RANBP2: variants seen among roughly 807,000 people sequenced by gnomAD.
RANBP2 encodes the protein E3 SUMO-protein ligase RanBP2.
A neutral mutation model predicts 303.6 loss-of-function variants in RANBP2; 57 were observed. The ratio of observed to expected loss-of-function variants is 0.19; its 90% CI spans 0.15 to 0.23. The LOEUF (loss-of-function observed/expected upper bound fraction) is 0.23, where lower values mean the gene tolerates loss of function less well. Ranked by LOEUF, RANBP2 falls within the 10% of genes least tolerant of loss-of-function variation. The pLI, the probability that RANBP2 is intolerant of heterozygous loss-of-function variation, is 1.00. For synonymous variants in RANBP2, 1,167 were observed against 1,301.5 expected, an observed-to-expected ratio of 0.90 and a Z score of 2.23; for missense variants, 3,138 against 3,780.8, an observed-to-expected ratio of 0.83 and a Z score of 4.46.
chr2:108,814,100 T>G, the RANBP2 span, among the ~76,000 whole-genome samples: 3 of 152,228 alleles, frequency 2.0e-5, no homozygotes, highest in Non-Finnish European at 1.5e-5. Context: ...CTTTTGGATA[T>G]ATACCAGGAC....
chr2:109,214,060 C>T, the RANBP2 span, among the ~76,000 whole-genome samples: 1 of 152,072 alleles, frequency 6.6e-6, no homozygotes, highest in African/African-American at 2.4e-5. Flanking sequence ...AAATGGAGGG[C>T]AGGCAGTGGT....
chr2:109,659,299 T>C, the RANBP2 span, among the ~76,000 whole-genome samples: 1 of 144,396 alleles, frequency 6.9e-6, no homozygotes, highest in East Asian at 2.1e-4. Context: ...ATTGCTTGCC[T>C]GGGAGGCAGA....
At chr2:109,213,293 G>A in the RANBP2 span, among the ~76,000 whole-genome samples, 5,012 of 152,284 alleles carry the variant, frequency 0.033, 149 homozygotes, top group Non-Finnish European at 0.047. Context: ...CCACACCCTG[G>A]TGTGTCCATA....
the RANBP2 span, among the ~76,000 whole-genome samples, chr2:109,758,449 T>C: frequency 7.4e-6 from 1 of 135,534 alleles, no homozygotes; most frequent in East Asian, 2.3e-4. Context: ...GTGTGCTATT[T>C]GTGGATCAGC....
At chr2:109,474,964 G>GT in the RANBP2 span, among the ~76,000 whole-genome samples, 5 of 151,644 alleles carry the variant, frequency 3.3e-5, no homozygotes, top group East Asian at 1.9e-4. Context: ...TTTTGTTTGG[G>GT]TTTTTTTTGT....
chr2:108,805,558 T>C, the RANBP2 span, among the ~76,000 whole-genome samples: 1 of 83,440 alleles, frequency 1.2e-5, no homozygotes, highest in Non-Finnish European at 2.6e-5. Flanking sequence ...ACCCCGTCTC[T>C]ACCAAAAATA....
At chr2:109,064,637 T>G in the RANBP2 span, among the ~76,000 whole-genome samples, 1 of 152,196 alleles carries the variant, frequency 6.6e-6, no homozygotes, top group Non-Finnish European at 1.5e-5. Flanking sequence ...AGTGAAAGAT[T>G]TCTTCTGTTT....
At chr2:108,938,937 A>G in the RANBP2 span, among the ~76,000 whole-genome samples, 1 of 151,566 alleles carries the variant, frequency 6.6e-6, no homozygotes, top group Non-Finnish European at 1.5e-5. Flanking sequence ...CCGCCACCAC[A>G]TCCAACTAAT....
At chr2:108,819,090 G>A in the RANBP2 span, among the ~76,000 whole-genome samples, 1 of 152,136 alleles carries the variant, frequency 6.6e-6, no homozygotes, top group Admixed American at 6.5e-5. Flanking sequence ...TCAACATGTT[G>A]GAGTAGGAAG....
chr2:109,388,757 A>G, the RANBP2 span, among the ~76,000 whole-genome samples: 1 of 152,192 alleles, frequency 6.6e-6, no homozygotes, highest in Admixed American at 6.5e-5. Context: ...TCAGACCTCC[A>G]AGGATCAGCT....
At chr2:109,375,918 T>TC in the RANBP2 span, among the ~76,000 whole-genome samples, 1 of 152,232 alleles carries the variant, frequency 6.6e-6, no homozygotes, top group South Asian at 2.1e-4. Flanking sequence ...GCCCAGCTTG[T>TC]CCTACATCAC....
At chr2:109,729,607 G>A in the RANBP2 span, among the ~76,000 whole-genome samples, 8 of 152,154 alleles carry the variant, frequency 5.3e-5, no homozygotes, top group East Asian at 7.7e-4. Flanking sequence ...CCGAAATCAC[G>A]CCACTACACT....
At chr2:108,817,864 G>A in the RANBP2 span, among the ~76,000 whole-genome samples, 1 of 152,166 alleles carries the variant, frequency 6.6e-6, no homozygotes, top group Non-Finnish European at 1.5e-5. Flanking sequence ...TGTTACGGCA[G>A]CAATAGGACA....
chr2:108,751,330 T>G lies in RANBP2; in HGVS notation c.1340T>G (p.Leu447Trp). ...TGGCTTGGCTTACAGTGGAATTCAT[T>G]GCCTGCTTTACCTGGAATCCGAAAA... is the stretch of plus-strand genomic sequence containing the variant. ...LTWLGLQWNS[L>W]PALPGIRKWL... The change falls in exon 10 of 29, where the codon TTG (leucine) becomes TGG (tryptophan). Residue 447 changes from leucine to tryptophan, a missense_variant. This residue lies in a region of RANBP2 where 162 missense variants were observed against 286.9 expected (regional missense o/e 0.56). Coordinates refer to ENST00000283195, the MANE Select transcript of RANBP2 (RefSeq NM_006267.5). 1 of 1,611,986 alleles carries G rather than the reference T, an allele frequency of 6.2e-7. No homozygotes were observed. The highest frequency in any genetic ancestry group is 8.5e-7 in the Non-Finnish European group (1 of 1,179,858).
At chr2:109,529,112 G>A in the RANBP2 span, among the ~76,000 whole-genome samples, 2 of 152,340 alleles carry the variant, frequency 1.3e-5, no homozygotes, top group South Asian at 4.1e-4. Flanking sequence ...GGCACCCGGT[G>A]GCTGCAGGCT....
At chr2:109,633,927 C>T in the RANBP2 span, among the ~76,000 whole-genome samples, 110 of 151,710 alleles carry the variant, frequency 7.3e-4, 1 homozygote, top group African/African-American at 2.6e-3. Context: ...CGAGACTAGC[C>T]TGGCCTATAT....
the RANBP2 span, among the ~76,000 whole-genome samples, chr2:109,243,461 C>T: frequency 6.6e-6 from 1 of 152,178 alleles, no homozygotes; most frequent in Admixed American, 6.5e-5. Context: ...GTATTCTCCT[C>T]GTGTGCATTC....
At chr2:108,878,032 T>A in the RANBP2 span, among the ~76,000 whole-genome samples, 1 of 152,164 alleles carries the variant, frequency 6.6e-6, no homozygotes, top group Non-Finnish European at 1.5e-5. Context: ...CTTCAGACAT[T>A]CAGGCGTTGA....
intron 6 of RANBP2, among the ~76,000 whole-genome samples, chr2:108,737,346 TTTTG>T (rs1336078196): frequency 1.3e-4 from 17 of 127,944 alleles, no homozygotes; most frequent in African/African-American, 2.7e-4. Flanking sequence ...TTTTTTTTTT[TTTTG>T]TTTTTTTGAG....
Sources: gnomAD v4.1 joint callset for allele counts (sites outside exome capture counted in the v4.1 genomes callset) on GRCh38, gnomAD v4.1.1 for gene constraint, gnomAD v4.1.1 regional missense constraint, MANE v1.5 for transcripts, NCBI Gene and HGNC (gene_info 2026-07-23, HGNC 2026-07-21) for gene names.